The following CPA6 variants were observed in gnomAD, a reference collection of about 807,000 sequenced individuals.
The protein encoded by CPA6 is carboxypeptidase B.
Under a neutral mutation model 63.3 loss-of-function variants are expected in CPA6, and 58 were observed. The observed-to-expected ratio is 0.92, with a 90% CI of 0.74 to 1.14. The LOEUF is 1.14. CPA6 is among the 50% of genes most tolerant of loss of function. CPA6 has a pLI of 0.00. For synonymous variants in CPA6, 185 were observed against 179.0 expected (o/e 1.03, Z -0.27); for missense variants, 565 against 526.6 (o/e 1.07, Z -0.71).
intron 2 of CPA6, among the ~76,000 whole-genome samples, chr8:67,623,858 G>C (rs1815136293): frequency 6.6e-6 from 1 of 152,004 alleles, no homozygotes; most frequent in Non-Finnish European, 1.5e-5. Flanking sequence ...AGGAGTTCAA[G>C]ACCAGCCTGG....
At chr8:67,709,983 C>A (rs1476509766) in intron 1 of CPA6, among the ~76,000 whole-genome samples, 1 of 151,836 alleles carries the variant, frequency 6.6e-6, no homozygotes, top group East Asian at 1.9e-4. Context: ...CATGGTGGTG[C>A]GTGCCTGTAA....
intron 8 of CPA6, among the ~76,000 whole-genome samples, chr8:67,450,844 G>A (rs574048765): frequency 7.9e-5 from 12 of 152,124 alleles, no homozygotes; most frequent in South Asian, 2.1e-4. Context: ...CAGGTGGTGC[G>A]GTACAGACCC....
intron 1 of CPA6, among the ~76,000 whole-genome samples, chr8:67,726,386 A>G (rs1817596519): frequency 6.6e-6 from 1 of 152,204 alleles, no homozygotes; most frequent in Non-Finnish European, 1.5e-5. Flanking sequence ...AATAGCCCCT[A>G]GCCTTCTTTG....
chr8:67,527,972 C>G (rs1812399992), intron 2 of CPA6, among the ~76,000 whole-genome samples: 1 of 152,182 alleles, frequency 6.6e-6, no homozygotes, highest in Non-Finnish European at 1.5e-5. Context: ...GGTTCTGTCT[C>G]TCAGCTGTCT....
rs574952408 is a variant in CPA6, at chr8:67,640,410, G to A, written c.117-16159C>T. ...GGTGGCAGGGAGCTGGCGTGTTAGC[G>A]CTGCCCTGAGTGTGCACACATCTGT... On this transcript the variant is annotated intron_variant, in intron 1 of 10. Transcript: ENST00000297770. 1.9e-4 allele frequency among the ~76,000 whole-genome samples: 29 copies of A among 151,602 alleles called. 2 individuals carry two copies. Among genetic ancestry groups the A allele is most frequent in the Admixed American group, 4.6e-4 (7 of 15,270 alleles).
At chr8:67,575,205 G>A (rs549309932) in intron 2 of CPA6, among the ~76,000 whole-genome samples, 19 of 152,172 alleles carry the variant, frequency 1.2e-4, no homozygotes, top group African/African-American at 4.6e-4. Context: ...ATACCTGATA[G>A]GATGGCTATT....
At chr8:67,447,049 C>T (rs566056317) in intron 8 of CPA6, among the ~76,000 whole-genome samples, 3,063 of 89,134 alleles carry the variant, frequency 0.034, 97 homozygotes, top group African/African-American at 0.16. Flanking sequence ...TATATATATA[C>T]ACACACATAT....
chr8:67,688,432 C>T (rs1180055886), intron 1 of CPA6, among the ~76,000 whole-genome samples: 1 of 152,164 alleles, frequency 6.6e-6, no homozygotes, highest in Non-Finnish European at 1.5e-5. Context: ...AAAGGGAACG[C>T]TCCTTATTAC....
intron 1 of CPA6, among the ~76,000 whole-genome samples, chr8:67,723,178 A>T (rs1314309010): frequency 6.6e-6 from 1 of 152,104 alleles, no homozygotes; most frequent in Non-Finnish European, 1.5e-5. Context: ...TCCCGTACTG[A>T]TGGACTTTGT....
At chr8:67,449,884 G>C (rs1563957594) in intron 8 of CPA6, among the ~76,000 whole-genome samples, 1 of 138,756 alleles carries the variant, frequency 7.2e-6, no homozygotes, top group Non-Finnish European at 1.5e-5. Context: ...GGCGCCATCT[G>C]AGCTCACTGC....
chr8:67,576,136 TAATTG>T (rs1250737335), intron 2 of CPA6, among the ~76,000 whole-genome samples: 3 of 152,182 alleles, frequency 2.0e-5, no homozygotes, highest in African/African-American at 7.2e-5. Flanking sequence ...ATACAGCTAG[TAATTG>T]AGTACTGTAC....
chr8:67,697,484 A>C (rs1816932473), intron 1 of CPA6, among the ~76,000 whole-genome samples: 1 of 152,188 alleles, frequency 6.6e-6, no homozygotes, highest in African/African-American at 2.4e-5. Context: ...TCAAAGATGA[A>C]CCACCTTTCT....
chr8:67,437,910 T>C (rs1330547035), intron 8 of CPA6, among the ~76,000 whole-genome samples: 1 of 125,898 alleles, frequency 7.9e-6, no homozygotes, highest in East Asian at 2.0e-4. Context: ...TTCTCCACAA[T>C]TCTTTTTTTC....
chr8:67,671,046 C>T (rs1396368084), intron 1 of CPA6, among the ~76,000 whole-genome samples: 2 of 152,180 alleles, frequency 1.3e-5, no homozygotes, highest in East Asian at 3.8e-4. Context: ...TCTTCAGTTT[C>T]ATTTGGTGAT....
At chr8:67,633,475 A>T (rs1815390641) in intron 1 of CPA6, among the ~76,000 whole-genome samples, 2 of 152,122 alleles carry the variant, frequency 1.3e-5, no homozygotes, top group African/African-American at 4.8e-5. Context: ...AGGTCAGGAG[A>T]TCGAGACCAT....
At chr8:67,713,978 C>A (rs568763897) in intron 1 of CPA6, among the ~76,000 whole-genome samples, 2 of 152,166 alleles carry the variant, frequency 1.3e-5, no homozygotes, top group East Asian at 3.9e-4. Context: ...GAATTTTAAT[C>A]CTTCTGGTTT....
In CPA6 at chr8:67,668,518, T is replaced by G. The variant is rs181879456; in HGVS notation, c.117-44267A>C. ...CAGAGCCAGCTCTTTCTTCATAGTT[T>G]AATAGCTGCTCTCCAGTTACTTATT... On this transcript the variant is annotated intron_variant, in intron 1 of 10. Transcript: ENST00000297770. Among the ~76,000 whole-genome samples, 605 of 152,348 alleles carry G rather than the reference T, an allele frequency of 4.0e-3. 3 individuals are homozygous for G. Among genetic ancestry groups the G allele is most frequent in the Non-Finnish European group, 6.7e-3 (453 of 68,032 alleles).
At chr8:67,524,457 C>T (rs1812320977) in intron 2 of CPA6, among the ~76,000 whole-genome samples, 1 of 152,158 alleles carries the variant, frequency 6.6e-6, no homozygotes, top group African/African-American at 2.4e-5. Context: ...CTAGCTGTTT[C>T]TAGCTTCTGG....
chr8:67,666,520 C>T (rs1816230522), intron 1 of CPA6, among the ~76,000 whole-genome samples: 1 of 152,098 alleles, frequency 6.6e-6, no homozygotes, highest in East Asian at 1.9e-4. Flanking sequence ...CCCTGGAACC[C>T]AAACAGAAAG....
Sources: allele counts gnomAD v4.1 joint callset (sites outside exome capture counted in the v4.1 genomes callset), GRCh38; gene constraint gnomAD v4.1.1; transcripts MANE v1.5; gene names NCBI Gene and HGNC (gene_info 2026-07-23, HGNC 2026-07-21).